Variants in CCDC39 observed in about 807,000 individuals in gnomAD.
The protein encoded by CCDC39 is coiled-coil domain 39 molecular ruler complex subunit.
CCDC39 carries 113 observed loss-of-function variants against 121.0 expected under a neutral mutation model. The observed-to-expected ratio is 0.93, with a 90% CI of 0.80 to 1.09. CCDC39 has a LOEUF of 1.09. Among genes scored for constraint, CCDC39 ranks in the 50% least tolerant of loss-of-function variants. The probability of loss-of-function intolerance (pLI) is 0.00; values close to 1 mark genes in which losing one functional copy is unlikely to be tolerated. For missense variants in CCDC39, 1,063 were observed against 1,074.7 expected (o/e 0.99, Z 0.15); for synonymous variants, 349 against 352.2 (o/e 0.99, Z 0.10).
In CCDC39 at chr3:180,614,018, T is replaced by C; in HGVS notation, c.*903A>G. 1 of 336,052 alleles carries C rather than the reference T, an allele frequency of 3.0e-6. No individual in the cohort carries two copies. The highest frequency in any genetic ancestry group is 2.2e-5 in the African/African-American group (1 of 46,424). The allele number at this position is 336,052 out of a possible 1,614,324, so 20.8% of individuals were successfully genotyped here. A position where few individuals can be genotyped will look rare whatever the true frequency, so the allele number is the denominator to read the frequency against. ...ACACATGTACATTCGTGAATTCTAA[T>C]ACATTTATTTAAAATCCAGTTTTAT... On this transcript the variant is annotated 3_prime_UTR_variant, in exon 20 of 20. Transcript: ENST00000476379.
chr3:180,619,126 TCTTA>T, intron 16 of CCDC39, 129 bp downstream of exon 16: 1 of 623,328 alleles, frequency 1.6e-6, no homozygotes, highest in Non-Finnish European at 2.8e-6. Context: ...GACTGTTATC[TCTTA>T]CTATCTACTT....
intron 6 of CCDC39, among the ~76,000 whole-genome samples, chr3:180,657,142 A>C (rs540493141): frequency 1.9e-4 from 29 of 152,302 alleles, no homozygotes; most frequent in African/African-American, 7.0e-4. Flanking sequence ...GAAAATAATA[A>C]AACCATAGAA....
chr3:180,629,289 A>G (rs1026310259), intron 14 of CCDC39, among the ~76,000 whole-genome samples: 1 of 152,232 alleles, frequency 6.6e-6, no homozygotes, highest in Non-Finnish European at 1.5e-5. Flanking sequence ...TTTTAGTGTA[A>G]TAAACTTCAG....
At chr3:180,663,427 C>T (rs561112498) in intron 2 of CCDC39, among the ~76,000 whole-genome samples, 1 of 152,194 alleles carries the variant, frequency 6.6e-6, no homozygotes, top group South Asian at 2.1e-4. Context: ...AGTCGCAGCA[C>T]TTTGGGAGGC....
intron 14 of CCDC39, among the ~76,000 whole-genome samples, chr3:180,624,226 T>C (rs1309511559): frequency 6.6e-6 from 1 of 152,160 alleles, no homozygotes; most frequent in Non-Finnish European, 1.5e-5. Context: ...TTATCTAATA[T>C]AAGTAAAGCT....
chr3:180,659,093 T>C lies in CCDC39; in HGVS notation c.738+359A>G, dbSNP rs943088551. Among the ~76,000 whole-genome samples the C allele has an allele frequency of 5.9e-5, 9 of 152,304 alleles. No homozygotes were observed. In the South Asian group the frequency reaches 1.0e-3, roughly 18 times the overall value. ...CCCTTGGCTGTTCATGGAGGTTCCA[T>C]TTCCCTACTGTAACTTATTGCCAAA... On this transcript the variant is annotated intron_variant, in intron 6 of 19. Coordinates refer to ENST00000476379, the MANE Select transcript of CCDC39 (RefSeq NM_181426.2).
At chr3:180,663,106 TTAAA>T (rs757057715) in intron 2 of CCDC39, among the ~76,000 whole-genome samples, 3 of 152,170 alleles carry the variant, frequency 2.0e-5, no homozygotes, top group Non-Finnish European at 2.9e-5. Flanking sequence ...CCCAGTTATC[TTAAA>T]TAAAGTCTCT....
At chr3:180,663,736 C>G (rs1711802052) in intron 2 of CCDC39, 131 bp downstream of exon 2, 3 of 849,568 alleles carry the variant, frequency 3.5e-6, no homozygotes, top group African/African-American at 1.8e-5. Context: ...CTTTCATGTT[C>G]AAGGTTATGT....
At position 180,679,214 on chromosome 3, in the gene CCDC39, TG is replaced by T; in HGVS notation, c.90+76del. 1 of 1,040,378 alleles carries T rather than the reference TG, an allele frequency of 9.6e-7. No individual in the cohort carries two copies. The allele number at this position is 1,040,378 out of a possible 1,614,324, so 64.4% of individuals were successfully genotyped here. On this transcript the variant is annotated intron_variant, in intron 1 of 19. Coordinates refer to ENST00000476379, the MANE Select transcript of CCDC39 (RefSeq NM_181426.2). The surrounding 1 kb of genome is among the most constrained non-coding windows in gnomAD (Gnocchi z 4.0). ...TAGGAAAGGAGAGAAATAAAAGGGCTGGGGTAGTACTGCCAACCAGAAAACG... is the reference window on the plus strand; with the variant it reads ...TAGGAAAGGAGAGAAATAAAAGGGCTGGGTAGTACTGCCAACCAGAAAACG...
At chr3:180,626,574 CTT>C (rs1351035620) in intron 14 of CCDC39, among the ~76,000 whole-genome samples, 1 of 152,172 alleles carries the variant, frequency 6.6e-6, no homozygotes, top group African/African-American at 2.4e-5. Context: ...TGCCTGGTCT[CTT>C]TTCTCCCTCC....
chr3:180,674,019 T>G (rs1041441200), intron 1 of CCDC39, among the ~76,000 whole-genome samples: 1 of 152,086 alleles, frequency 6.6e-6, no homozygotes, highest in African/African-American at 2.4e-5. Context: ...GTGAAGAAAG[T>G]CATTGGTAGC....
intron 15 of CCDC39, 36 bp downstream of exon 15, chr3:180,619,775 G>A (rs1160037700): frequency 1.6e-6 from 2 of 1,282,482 alleles, no homozygotes; most frequent in South Asian, 1.5e-5. Flanking sequence ...ACTCGTCACT[G>A]TATATATGTA....
intron 13 of CCDC39, among the ~76,000 whole-genome samples, chr3:180,637,298 A>G (rs191628073): frequency 6.6e-6 from 1 of 152,316 alleles, no homozygotes; most frequent in East Asian, 1.9e-4. Context: ...GGAGACATGC[A>G]TGTGCCAAAA....
At chr3:180,641,944 C>T (rs1200025932) in intron 13 of CCDC39, 49 bp downstream of exon 13, 3 of 1,360,942 alleles carry the variant, frequency 2.2e-6, no homozygotes, top group Non-Finnish European at 3.0e-6. Context: ...GTTCTCCTGA[C>T]ATCATCCTGT....
rs949070389 is a variant in CCDC39 at position 180,626,361 on chromosome 3, GT to G, written c.1998+5107del. On this transcript the variant is annotated intron_variant, in intron 14 of 19. Transcript: ENST00000476379. ...GCCCCTTGGTAATACCTTTAAGGAG[GT>G]TCTGGCTGTGACAGTCAAAGGTGGG... 8.5e-5 allele frequency among the ~76,000 whole-genome samples: 13 copies of G among 152,254 alleles called. No homozygotes were observed. In the South Asian group the frequency reaches 1.0e-3, roughly 12 times the overall value.
rs576768571 is a variant in CCDC39 at position 180,663,271 on chromosome 3, T to C, written c.210+596A>G. On this transcript the variant is annotated intron_variant, in intron 2 of 19. Transcript: ENST00000476379. ...AAAAGGAGACAGAAATTTTATTATG[T>C]ATTATATTAGTTCTGTTTCTGCTTA... Among the ~76,000 whole-genome samples, 10 of 152,292 alleles carry C rather than the reference T, an allele frequency of 6.6e-5. No individual in the cohort carries two copies. In the East Asian group the frequency reaches 1.7e-3, roughly 26 times the overall value.
At chr3:180,628,256 G>C (rs376474578) in intron 14 of CCDC39, among the ~76,000 whole-genome samples, 2 of 152,100 alleles carry the variant, frequency 1.3e-5, no homozygotes, top group East Asian at 3.9e-4. Flanking sequence ...TGTCGCCCAG[G>C]CTAGAGTGCA....
At chr3:180,639,738 T>C (rs1204727708) in intron 13 of CCDC39, among the ~76,000 whole-genome samples, 2 of 152,036 alleles carry the variant, frequency 1.3e-5, no homozygotes, top group Non-Finnish European at 2.9e-5. Context: ...AAAGAACTTA[T>C]CTGTGTAGCT....
At chr3:180,668,724 T>G (rs1711954982) in intron 1 of CCDC39, among the ~76,000 whole-genome samples, 1 of 152,190 alleles carries the variant, frequency 6.6e-6, no homozygotes, top group Non-Finnish European at 1.5e-5. Context: ...ACCATATGCA[T>G]TCTTAAAAAT....
Sources: allele counts gnomAD v4.1 joint callset (sites outside exome capture counted in the v4.1 genomes callset), GRCh38; gene constraint gnomAD v4.1.1; non-coding constraint Gnocchi (gnomAD v3.1); transcripts MANE v1.5; gene names NCBI Gene and HGNC (gene_info 2026-07-23, HGNC 2026-07-21).